Variants in YY1 observed in about 807,000 individuals in gnomAD.
YY1 encodes YY1 transcription factor.
In YY1, 2 loss-of-function variants were observed where a neutral mutation model predicts 35.6. The observed-to-expected ratio is 0.06, with a 90% CI of 0.02 to 0.18. YY1 has a LOEUF of 0.18. Among genes scored for constraint, YY1 ranks in the 10% least tolerant of loss-of-function variants. The pLI is 1.00. For missense variants in YY1, 322 were observed against 573.4 expected (o/e 0.56, Z 4.48); for synonymous variants, 268 against 238.9 (o/e 1.12, Z -1.12).
intron 3 of YY1, 123 bp downstream of exon 3, chr14:100,274,881 G>C (rs552441794): frequency 9.9e-7 from 1 of 1,006,270 alleles, no homozygotes; most frequent in African/African-American, 1.6e-5. Flanking sequence ...TAGAATCTTC[G>C]GTTTCTAAAT....
intron 2 of YY1, among the ~76,000 whole-genome samples, chr14:100,269,336 G>A (rs955504014): frequency 4.0e-5 from 6 of 151,722 alleles, no homozygotes; most frequent in African/African-American, 1.4e-4. Context: ...AACCGAGGCC[G>A]AGAAGTTACA....
At chr14:100,263,552 G>A (rs531868383) in intron 2 of YY1, among the ~76,000 whole-genome samples, 2 of 152,196 alleles carry the variant, frequency 1.3e-5, no homozygotes, top group Non-Finnish European at 2.9e-5. Flanking sequence ...CCACAAAGAT[G>A]TAAACTTTTA....
chr14:100,275,209 A>G (rs1002517549), intron 3 of YY1, among the ~76,000 whole-genome samples: 2 of 152,242 alleles, frequency 1.3e-5, no homozygotes, highest in African/African-American at 4.8e-5. Context: ...TCTTTAAAAT[A>G]AAAGGATAAC....
intron 1 of YY1, among the ~76,000 whole-genome samples, chr14:100,241,089 T>C (rs549700336): frequency 6.6e-6 from 1 of 152,350 alleles, no homozygotes; most frequent in East Asian, 1.9e-4. Context: ...AGGCAATTAT[T>C]AATTCAATGC....
intron 1 of YY1, among the ~76,000 whole-genome samples, chr14:100,253,291 A>G (rs1024701084): frequency 1.3e-5 from 2 of 152,250 alleles, no homozygotes; most frequent in Non-Finnish European, 2.9e-5. Flanking sequence ...AGTAACATTC[A>G]TAGCATAATT....
chr14:100,245,161 C>T (rs1382538557), intron 1 of YY1, among the ~76,000 whole-genome samples: 2 of 151,934 alleles, frequency 1.3e-5, no homozygotes, highest in Non-Finnish European at 2.9e-5. Flanking sequence ...TGGTCTCGAT[C>T]TCCTGACCTC....
At chr14:100,263,326 C>G (rs1891110376) in intron 2 of YY1, among the ~76,000 whole-genome samples, 1 of 152,190 alleles carries the variant, frequency 6.6e-6, no homozygotes, top group Admixed American at 6.5e-5. Flanking sequence ...TCGTGTTTGT[C>G]TTGTCATCAG....
chr14:100,258,068 G>T (rs1382285248), intron 1 of YY1, among the ~76,000 whole-genome samples: 1 of 151,930 alleles, frequency 6.6e-6, no homozygotes, highest in Non-Finnish European at 1.5e-5. Flanking sequence ...GGAGGTCAAG[G>T]CTGCAGTGAG....
At chr14:100,254,206 A>G (rs1463247763) in intron 1 of YY1, among the ~76,000 whole-genome samples, 1 of 152,200 alleles carries the variant, frequency 6.6e-6, no homozygotes, top group Non-Finnish European at 1.5e-5. Flanking sequence ...AAAAATTACT[A>G]GCTTCTTTTA....
At chr14:100,263,049 A>G (rs1030254817) in intron 2 of YY1, among the ~76,000 whole-genome samples, 1 of 152,182 alleles carries the variant, frequency 6.6e-6, no homozygotes, top group Non-Finnish European at 1.5e-5. Flanking sequence ...CTGGGATTAC[A>G]TGCGTGTGCC....
chr14:100,276,212 A>G lies in YY1; in HGVS notation c.904-278A>G. 4 of 423,472 alleles carry G rather than the reference A, an allele frequency of 9.4e-6. No individual in the cohort carries two copies. The highest frequency in any genetic ancestry group is 1.8e-5 in the Non-Finnish European group (4 of 227,964). The allele number at this position is 423,472 out of a possible 1,614,324, so 26.2% of individuals were successfully genotyped here. A position where few individuals can be genotyped will look rare whatever the true frequency, so the allele number is the denominator to read the frequency against. On this transcript the variant is annotated intron_variant, in intron 3 of 4. Transcript: ENST00000262238. This position sits in a 1 kb window ranked among gnomAD's most constrained non-coding sequence, Gnocchi z 4.1. ...GTTGGGTTCTATTCCCAGTTTGGCT[A>G]CTACTAGTAGTGTGACCTTGGGCAA...
At position 100,239,610 on chromosome 14, in the gene YY1, C is replaced by G. The variant is rs775769008; in HGVS notation, c.366C>G (p.Arg122=). Residue 122 remains arginine, a synonymous_variant, in exon 1 of 5, where the codon CGC becomes CGG. Transcript: ENST00000262238. ...GCGGCGACGACTCGGACGGGCTGCG[C>G]GCCGAGGACGGCTTCGAGGATCAGA... ...VVGGDDSDGL[R]AEDGFEDQIL... 3 of 1,612,014 alleles carry G rather than the reference C, an allele frequency of 1.9e-6. No homozygotes were observed. The South Asian group carries it at 3.3e-5, about 18-fold the overall frequency.
At chr14:100,249,265 C>T (rs908515308) in intron 1 of YY1, among the ~76,000 whole-genome samples, 1 of 151,532 alleles carries the variant, frequency 6.6e-6, no homozygotes, top group Non-Finnish European at 1.5e-5. Flanking sequence ...GGATTACAGG[C>T]TTGCACTACT....
intron 2 of YY1, among the ~76,000 whole-genome samples, chr14:100,272,896 G>C (rs1249724392): frequency 6.7e-6 from 1 of 150,158 alleles, no homozygotes; most frequent in Non-Finnish European, 1.5e-5. Context: ...TACCGCGTTT[G>C]ATTTTCCATT....
Position 100,276,788 on chromosome 14 carries a change from C to T in YY1, c.1062+140C>T. Reference sequence around the variant, plus strand: ...TCCTTGGTGAGAAACAAAACTTCTCCTGGGGAGTCGCTTAGAAGGGTTGCC... The same window carrying T: ...TCCTTGGTGAGAAACAAAACTTCTCTTGGGGAGTCGCTTAGAAGGGTTGCC... On this transcript the variant is annotated intron_variant, in intron 4 of 4. Transcript: ENST00000262238. The surrounding 1 kb of genome is among the most constrained non-coding windows in gnomAD (Gnocchi z 4.1). The T allele has an allele frequency of 7.6e-7, 1 of 1,312,040 alleles. No individual in the cohort carries two copies. The highest frequency in any genetic ancestry group is 2.0e-5 in the Admixed American group (1 of 51,216). 81.3% of individuals were successfully genotyped at this position (1,312,040 alleles called of 1,614,324 possible). A position where few individuals can be genotyped will look rare whatever the true frequency, so the allele number is the denominator to read the frequency against.
At chr14:100,272,933 G>T (rs1046505674) in intron 2 of YY1, among the ~76,000 whole-genome samples, 3 of 148,508 alleles carry the variant, frequency 2.0e-5, no homozygotes, top group African/African-American at 7.4e-5. Flanking sequence ...CAGAGTAGTG[G>T]CCCCCAGCTA....
At chr14:100,269,621 T>C (rs1029687907) in intron 2 of YY1, among the ~76,000 whole-genome samples, 10 of 152,158 alleles carry the variant, frequency 6.6e-5, no homozygotes, top group Middle Eastern at 3.2e-3. Context: ...TTTTGAAAAA[T>C]GACTTTTTTC....
At position 100,239,783 on chromosome 14, in the gene YY1, G is replaced by A. The variant is rs1469487250; in HGVS notation, c.539G>A (p.Ser180Asn). Residue 180 changes from serine to asparagine, a missense_variant, in exon 1 of 5, where the codon AGC becomes AAC. This residue lies in a region of YY1 where 152 missense variants were observed against 167.1 expected (regional missense o/e 0.91). Coordinates refer to ENST00000262238, the MANE Select transcript of YY1 (RefSeq NM_003403.5). ...GRVKKGGGKKSGKKSYLSGGA... is the reference protein window; with the variant it reads ...GRVKKGGGKKNGKKSYLSGGA... The stretch of plus-strand genomic sequence containing the variant: ...GTCAAGAAGGGCGGCGGCAAGAAGA[G>A]CGGCAAGAAGAGTTACCTCAGCGGC... 1.9e-6 allele frequency: 3 copies of A among 1,556,398 alleles called. No homozygotes were observed. Among genetic ancestry groups the A allele is most frequent in the African/African-American group, 1.4e-5 (1 of 72,170 alleles).
At chr14:100,242,378 G>GTTTTTTTT (rs57406488) in intron 1 of YY1, among the ~76,000 whole-genome samples, 6 of 109,932 alleles carry the variant, frequency 5.5e-5, no homozygotes, top group Non-Finnish European at 7.5e-5. Flanking sequence ...TTTGTTTTTT[G>GTTTTTTTT]TTTTTTTTTT....
Sources: allele counts gnomAD v4.1 joint callset (sites outside exome capture counted in the v4.1 genomes callset), GRCh38; gene constraint gnomAD v4.1.1; regional missense constraint gnomAD v4.1.1; non-coding constraint Gnocchi (gnomAD v3.1); transcripts MANE v1.5; gene names NCBI Gene and HGNC (gene_info 2026-07-23, HGNC 2026-07-21).